The following VAT1L variants were observed in gnomAD, a reference collection of about 807,000 sequenced individuals.
The protein encoded by VAT1L is vesicle amine transport 1 like, also known as putative NADPH-dependent quinone oxidoreductase VAT1L.
Under a neutral mutation model 44.1 loss-of-function variants are expected in VAT1L, and 34 were observed. The observed-to-expected ratio is 0.77, with a 90% CI of 0.59 to 1.03. VAT1L has a LOEUF of 1.03. VAT1L is among the 50% of genes least tolerant of loss of function. The probability of loss-of-function intolerance (pLI) is 0.00; values close to 1 mark genes in which losing one functional copy is unlikely to be tolerated. For missense variants in VAT1L, 615 were observed against 538.8 expected (o/e 1.14, Z -1.40); for synonymous variants, 253 against 202.2 (o/e 1.25, Z -2.13).
chr16:77,845,629 C>A (rs573325704), intron 3 of VAT1L, among the ~76,000 whole-genome samples: 1 of 152,246 alleles, frequency 6.6e-6, no homozygotes, highest in African/African-American at 2.4e-5. Context: ...AAACACCTCT[C>A]CTCATCATCC....
In VAT1L at chr16:77,977,802, C is replaced by T. The variant is rs931291016; in HGVS notation, c.*107C>T. The stretch of plus-strand genomic sequence containing the variant: ...ACAAATGCTGTAGTCCAGTGCGTGT[C>T]GTGTTTGTCTGCAGTCAGCTGAGCT... On this transcript the variant is annotated 3_prime_UTR_variant, in exon 9 of 9. Coordinates refer to ENST00000302536, the MANE Select transcript of VAT1L (RefSeq NM_020927.3). The T allele has an allele frequency of 2.6e-5, 28 of 1,097,964 alleles. No homozygotes were observed. Among genetic ancestry groups the T allele is most frequent in the Admixed American group, 4.3e-5 (2 of 45,994 alleles). The allele number at this position is 1,097,964 out of a possible 1,614,324, so 68.0% of individuals were successfully genotyped here.
At chr16:77,838,500 C>T (rs2016664517) in intron 3 of VAT1L, among the ~76,000 whole-genome samples, 1 of 152,086 alleles carries the variant, frequency 6.6e-6, no homozygotes, top group Non-Finnish European at 1.5e-5. Context: ...CTTTTCCTTG[C>T]ACTCACCCCC....
chr16:77,935,110 C>T (rs1018595362), intron 7 of VAT1L, among the ~76,000 whole-genome samples: 1 of 152,082 alleles, frequency 6.6e-6, no homozygotes, highest in African/African-American at 2.4e-5. Context: ...CTTTATTCCA[C>T]TTGGTCTGGA....
chr16:77,817,117 G>A, intron 2 of VAT1L, 67 bp downstream of exon 2: 2 of 1,565,442 alleles, frequency 1.3e-6, no homozygotes, highest in Non-Finnish European at 1.7e-6. Flanking sequence ...AAAAGATGAT[G>A]CAGAAAGAAA....
At chr16:77,867,265 C>T (rs1189537681) in intron 4 of VAT1L, among the ~76,000 whole-genome samples, 7 of 152,054 alleles carry the variant, frequency 4.6e-5, no homozygotes, top group East Asian at 1.9e-4. Flanking sequence ...ATTACGTGGA[C>T]GGTGATGAGG....
intron 7 of VAT1L, among the ~76,000 whole-genome samples, chr16:77,940,340 GTTTT>G (rs66546770): frequency 3.6e-5 from 4 of 112,520 alleles, no homozygotes; most frequent in Admixed American, 3.2e-4. Context: ...ATACCACTTG[GTTTT>G]TTTTTTTTTT....
chr16:77,957,875 C>G (rs1453052134), intron 7 of VAT1L, among the ~76,000 whole-genome samples: 1 of 151,698 alleles, frequency 6.6e-6, no homozygotes, highest in East Asian at 1.9e-4. Context: ...TTTAACCCCT[C>G]ATTCTCTTAC....
chr16:77,940,907 G>A (rs748368243), intron 7 of VAT1L, among the ~76,000 whole-genome samples: 1 of 152,086 alleles, frequency 6.6e-6, no homozygotes, highest in Admixed American at 6.5e-5. Context: ...GTCTCAGTGA[G>A]GTACTAATCT....
At chr16:77,833,104 T>G (rs1680121741) in intron 3 of VAT1L, among the ~76,000 whole-genome samples, 1 of 152,234 alleles carries the variant, frequency 6.6e-6, no homozygotes, top group Non-Finnish European at 1.5e-5. Context: ...ATCCTGTGAT[T>G]CATTCATTTA....
At chr16:77,900,333 A>T (rs2142475226) in intron 7 of VAT1L, among the ~76,000 whole-genome samples, 1 of 152,170 alleles carries the variant, frequency 6.6e-6, no homozygotes, top group East Asian at 1.9e-4. Context: ...TCCCAGCATA[A>T]TTTTTTCTAT....
rs113196706 is a variant in VAT1L at position 77,830,322 on chromosome 16, T to C, written c.579+4861T>C. Among the ~76,000 whole-genome samples, 23 of 152,330 alleles carry C rather than the reference T, an allele frequency of 1.5e-4. 1 individual carries two copies. The highest frequency in any genetic ancestry group is 1.0e-3 in the South Asian group (5 of 4,826). ...AGATGTAAGCTCCTCTGGGAAGCCA[T>C]ACTGTCCTCTCTTGTCTGGGTAGCC... On this transcript the variant is annotated intron_variant, in intron 3 of 8. Transcript: ENST00000302536.
At chr16:77,926,699 G>A (rs2017673217) in intron 7 of VAT1L, among the ~76,000 whole-genome samples, 1 of 152,170 alleles carries the variant, frequency 6.6e-6, no homozygotes, top group Non-Finnish European at 1.5e-5. Context: ...TGACTTCACA[G>A]TCCTCACCAA....
intron 1 of VAT1L, among the ~76,000 whole-genome samples, chr16:77,804,761 G>A (rs930902013): frequency 1.3e-5 from 2 of 152,010 alleles, no homozygotes; most frequent in Admixed American, 6.6e-5. Context: ...CTTCCTTCTT[G>A]AGGCTGGAAA....
At chr16:77,868,587 C>T (rs182991746) in intron 4 of VAT1L, among the ~76,000 whole-genome samples, 7 of 152,274 alleles carry the variant, frequency 4.6e-5, no homozygotes, top group East Asian at 1.9e-4. Flanking sequence ...ATAGACGTGA[C>T]GGGACTCAGT....
chr16:77,940,436 C>T (rs201383678), intron 7 of VAT1L, among the ~76,000 whole-genome samples: 4 of 151,012 alleles, frequency 2.6e-5, no homozygotes, highest in South Asian at 2.1e-4. Context: ...CTCTGCCTCC[C>T]GGGTTCAAGC....
intron 7 of VAT1L, among the ~76,000 whole-genome samples, chr16:77,906,063 A>G (rs1449163090): frequency 6.6e-6 from 1 of 152,166 alleles, no homozygotes; most frequent in East Asian, 1.9e-4. Flanking sequence ...CTGTCCCCCC[A>G]GTAATGAGTG....
chr16:77,856,539 T>C (rs1212274350), intron 3 of VAT1L, among the ~76,000 whole-genome samples: 1 of 152,200 alleles, frequency 6.6e-6, no homozygotes, highest in Non-Finnish European at 1.5e-5. Context: ...CTCTAATCAT[T>C]CGTTTACATG....
chr16:77,948,011 G>T, intron 7 of VAT1L, among the ~76,000 whole-genome samples: 1 of 152,068 alleles, frequency 6.6e-6, no homozygotes, highest in East Asian at 1.9e-4. Context: ...CCAACCACCT[G>T]GGCCTCCCAA....
intron 7 of VAT1L, among the ~76,000 whole-genome samples, chr16:77,928,146 G>C (rs2017690383): frequency 6.6e-6 from 1 of 151,980 alleles, no homozygotes; most frequent in African/African-American, 2.4e-5. Flanking sequence ...TTCAATCAAA[G>C]ACCCCAGAGC....
Sources: gnomAD v4.1 joint callset for allele counts (sites outside exome capture counted in the v4.1 genomes callset) on GRCh38, gnomAD v4.1.1 for gene constraint, MANE v1.5 for transcripts, NCBI Gene and HGNC (gene_info 2026-07-23, HGNC 2026-07-21) for gene names.